SMC6: variants seen among roughly 807,000 people sequenced by gnomAD.
SMC6 encodes structural maintenance of chromosomes 6.
In SMC6, 79 loss-of-function variants were observed where a neutral mutation model predicts 142.2. The observed-to-expected ratio is 0.56, with a 90% CI of 0.46 to 0.67. SMC6 has a LOEUF of 0.67. Among genes scored for constraint, SMC6 ranks in the 30% least tolerant of loss-of-function variants. SMC6 has a pLI of 0.00. For missense variants in SMC6, 1,072 were observed against 1,284.0 expected, an observed-to-expected ratio of 0.83 and a Z score of 2.52; for synonymous variants, 411 against 412.4, an observed-to-expected ratio of 1.00 and a Z score of 0.04.
At chr2:17,688,812 T>C (rs1667574412) in intron 23 of SMC6, among the ~76,000 whole-genome samples, 1 of 152,214 alleles carries the variant, frequency 6.6e-6, no homozygotes, top group African/African-American at 2.4e-5. Flanking sequence ...AAAGTCCATA[T>C]TGCAAAGGCA....
intron 16 of SMC6, among the ~76,000 whole-genome samples, chr2:17,711,164 T>G (rs1480809071): frequency 6.6e-6 from 1 of 152,180 alleles, no homozygotes; most frequent in African/African-American, 2.4e-5. Context: ...CATCATTACA[T>G]GAAGCTGTTA....
intron 16 of SMC6, 93 bp from the exon 17 acceptor site, chr2:17,708,846 A>G (rs1668680065): frequency 9.1e-6 from 3 of 328,416 alleles, no homozygotes; most frequent in African/African-American, 2.2e-5. Flanking sequence ...AAGAGTATAT[A>G]TATTTCCATA....
At chr2:17,707,581 TA>T (rs1381627831) in intron 17 of SMC6, among the ~76,000 whole-genome samples, 1 of 152,108 alleles carries the variant, frequency 6.6e-6, no homozygotes, top group Non-Finnish European at 1.5e-5. Flanking sequence ...TAAAAAGTCT[TA>T]AAACAGTTTA....
intron 12 of SMC6, 113 bp from the exon 13 acceptor site, chr2:17,717,289 A>G (rs1669140627): frequency 3.1e-6 from 2 of 644,534 alleles, no homozygotes; most frequent in Admixed American, 7.2e-5. Context: ...TATTTTTTAA[A>G]TGAAGCACAA....
intron 3 of SMC6, among the ~76,000 whole-genome samples, chr2:17,744,207 G>C (rs2125080634): frequency 6.6e-6 from 1 of 152,188 alleles, no homozygotes; most frequent in Non-Finnish European, 1.5e-5. Context: ...GAGAGTTCCT[G>C]TTGCTCCACA....
Position 17,718,225 on chromosome 2 carries a change from T to C in SMC6, c.946-2A>G. On this transcript the variant is annotated splice_acceptor_variant, in intron 11 of 27. Coordinates refer to ENST00000448223, the MANE Select transcript of SMC6 (RefSeq NM_001142286.2). LOFTEE classifies it high-confidence loss of function. The stretch of plus-strand genomic sequence containing the variant: ...TTGTTCTGCCTCATTAAGTCTGACC[T>C]TTAAGAAAATAACATTATTGAAGTA... 6.4e-7 allele frequency: 1 copy of C among 1,574,098 alleles called. No individual in the cohort carries two copies. The highest frequency in any genetic ancestry group is 8.6e-7 in the Non-Finnish European group (1 of 1,162,898).
In SMC6 at chr2:17,665,429, C is replaced by G; in HGVS notation, c.*70G>C. 9.4e-6 allele frequency: 9 copies of G among 959,518 alleles called. 1 individual carries two copies. The South Asian group carries it at 1.8e-4, about 19-fold the overall frequency. 59.4% of individuals were successfully genotyped at this position (959,518 alleles called of 1,614,324 possible). ...TGCCTCCAGTCTCATTTTATTATATCAAAGAGTCCAGAATTTTTTTTCCCT... is the reference window on the plus strand; with the variant it reads ...TGCCTCCAGTCTCATTTTATTATATGAAAGAGTCCAGAATTTTTTTTCCCT... On this transcript the variant is annotated 3_prime_UTR_variant, in exon 28 of 28. Transcript: ENST00000448223.
intron 7 of SMC6, among the ~76,000 whole-genome samples, chr2:17,728,473 G>A (rs892304399): frequency 6.6e-6 from 1 of 151,956 alleles, no homozygotes; most frequent in African/African-American, 2.4e-5. Flanking sequence ...AGGCCGAGGT[G>A]TGAGGATCAC....
chr2:17,728,755 T>TG (rs373902515), intron 7 of SMC6, among the ~76,000 whole-genome samples: 1 of 148,942 alleles, frequency 6.7e-6, no homozygotes, highest in Non-Finnish European at 1.5e-5. Flanking sequence ...CACACACAAT[T>TG]TTTTTTTTTT....
In SMC6 at chr2:17,716,068, C is replaced by T. The variant is rs1669069667; in HGVS notation, c.1525+18G>A. On this transcript the variant is annotated intron_variant, in intron 15 of 27. Transcript: ENST00000448223. Reference sequence around the variant, plus strand: ...ATTTCTAAAGTTTATTATAACCTCGCTAAATTAAGACAAATACCTAAAGGG... The same window carrying T: ...ATTTCTAAAGTTTATTATAACCTCGTTAAATTAAGACAAATACCTAAAGGG... 1 of 1,464,200 alleles carries T rather than the reference C, an allele frequency of 6.8e-7. No individual in the cohort carries two copies. The highest frequency in any genetic ancestry group is 9.0e-7 in the Non-Finnish European group (1 of 1,109,372). The allele number at this position is 1,464,200 out of a possible 1,614,324, so 90.7% of individuals were successfully genotyped here.
At chr2:17,701,512 A>G (rs1336602911) in intron 20 of SMC6, among the ~76,000 whole-genome samples, 2 of 152,230 alleles carry the variant, frequency 1.3e-5, no homozygotes, top group African/African-American at 2.4e-5. Context: ...GAGAGTGCCT[A>G]TGTGAAAAAC....
At chr2:17,689,894 T>C (rs1284771266) in intron 23 of SMC6, among the ~76,000 whole-genome samples, 1 of 152,184 alleles carries the variant, frequency 6.6e-6, no homozygotes, top group Non-Finnish European at 1.5e-5. Context: ...GTTTTTGAGT[T>C]TTTTCCCCCA....
At chr2:17,748,041 G>A (rs1670845083) in intron 2 of SMC6, among the ~76,000 whole-genome samples, 1 of 152,166 alleles carries the variant, frequency 6.6e-6, no homozygotes, top group South Asian at 2.1e-4. Context: ...GCTACAGGGG[G>A]ATACTAAAAG....
intron 23 of SMC6, among the ~76,000 whole-genome samples, chr2:17,686,493 C>T (rs958179197): frequency 6.6e-6 from 1 of 151,992 alleles, no homozygotes; most frequent in Non-Finnish European, 1.5e-5. Flanking sequence ...AAAAGCAAGG[C>T]AAAAATCTGA....
intron 25 of SMC6, among the ~76,000 whole-genome samples, chr2:17,672,443 C>T (rs1324541621): frequency 6.6e-6 from 1 of 151,964 alleles, no homozygotes; most frequent in Admixed American, 6.6e-5. Context: ...TTTTTTATTA[C>T]AGTAATAGTT....
chr2:17,701,929 A>C lies in SMC6; in HGVS notation c.2143-20T>G. 1.5e-6 allele frequency: 2 copies of C among 1,352,554 alleles called. No homozygotes were observed. Among genetic ancestry groups the C allele is most frequent in the Non-Finnish European group, 2.0e-6 (2 of 976,020 alleles). The allele number at this position is 1,352,554 out of a possible 1,614,324, so 83.8% of individuals were successfully genotyped here. On this transcript the variant is annotated intron_variant, in intron 19 of 27. Transcript: ENST00000448223. ...TTTCATCTAAAAGAAAAGTATTTGGATTTTAGTAACATAAAAAAAAATTTA... is the reference window on the plus strand; with the variant it reads ...TTTCATCTAAAAGAAAAGTATTTGGCTTTTAGTAACATAAAAAAAAATTTA...
intron 16 of SMC6, among the ~76,000 whole-genome samples, 154 bp downstream of exon 16, chr2:17,714,692 ATGTTTCTCTAATGCC>A (rs1668993826): frequency 1.3e-5 from 2 of 152,250 alleles, no homozygotes; most frequent in South Asian, 4.1e-4. Context: ...GTATTTATCT[ATGTTTCTCTAATGCC>A]CAGAACTAAT....
intron 3 of SMC6, among the ~76,000 whole-genome samples, chr2:17,744,019 G>C (rs1354032210): frequency 6.6e-6 from 1 of 152,164 alleles, no homozygotes; most frequent in Non-Finnish European, 1.5e-5. Flanking sequence ...TGGTAATTAT[G>C]AATAAAGCTG....
chr2:17,673,461 A>C (rs377631196), intron 25 of SMC6, among the ~76,000 whole-genome samples: 27 of 151,898 alleles, frequency 1.8e-4, no homozygotes, highest in African/African-American at 5.8e-4. Context: ...CTTCCTCTAG[A>C]AGCTTGTTTT....
Sources: allele counts gnomAD v4.1 joint callset (sites outside exome capture counted in the v4.1 genomes callset), GRCh38; gene constraint gnomAD v4.1.1; transcripts MANE v1.5; gene names NCBI Gene and HGNC (gene_info 2026-07-23, HGNC 2026-07-21).